The following GSE1 variants were observed in gnomAD, a reference collection of about 807,000 sequenced individuals.
GSE1 encodes the protein genetic suppressor element 1.
Under a neutral mutation model 112.6 loss-of-function variants are expected in GSE1, and 32 were observed. The ratio of observed to expected loss-of-function variants is 0.28; its 90% confidence interval spans 0.21 to 0.38. The LOEUF (loss-of-function observed/expected upper bound fraction) is 0.38, where lower values mean the gene tolerates loss of function less well. GSE1 is among the 10% of genes least tolerant of loss of function. The probability of loss-of-function intolerance (pLI) is 1.00; values close to 1 mark genes in which losing one functional copy is unlikely to be tolerated. For missense variants in GSE1, 2,348 were observed against 1,699.2 expected (o/e 1.38, Z -6.71); for synonymous variants, 1,115 against 735.6 (o/e 1.52, Z -8.35).
chr16:85,190,982 C>G (rs949315619), intron 1 of GSE1, among the ~76,000 whole-genome samples: 5 of 152,198 alleles, frequency 3.3e-5, no homozygotes, highest in African/African-American at 7.2e-5. Flanking sequence ...TTTAGAATTA[C>G]AGAGTCTTGC....
chr16:85,510,437 A>AGT (rs922286993), intron 2 of GSE1, among the ~76,000 whole-genome samples: 6 of 37,904 alleles, frequency 1.6e-4, no homozygotes, highest in Admixed American at 5.9e-4. Flanking sequence ...TGTGTGTGTC[A>AGT]GTGTGTGTGT....
At chr16:85,345,568 C>G (rs1174310547) in intron 1 of GSE1, among the ~76,000 whole-genome samples, 1 of 152,170 alleles carries the variant, frequency 6.6e-6, no homozygotes, top group Non-Finnish European at 1.5e-5. Flanking sequence ...CTCAGTGTGG[C>G]CAGCCTATGG....
At chr16:85,355,325 C>T (rs929527003) in intron 1 of GSE1, among the ~76,000 whole-genome samples, 7 of 152,224 alleles carry the variant, frequency 4.6e-5, no homozygotes, top group Admixed American at 2.6e-4. Flanking sequence ...CCAACCCCCA[C>T]GACAGGGACC....
chr16:85,307,762 A>C (rs906646596), intron 1 of GSE1, among the ~76,000 whole-genome samples: 3 of 152,224 alleles, frequency 2.0e-5, no homozygotes, highest in Non-Finnish European at 2.9e-5. Context: ...TCAAGGCCCC[A>C]CCATGAATCT....
At chr16:85,249,780 G>A (rs1242436871) in intron 1 of GSE1, among the ~76,000 whole-genome samples, 1 of 152,226 alleles carries the variant, frequency 6.6e-6, no homozygotes, top group Non-Finnish European at 1.5e-5. Flanking sequence ...TCACAGCTGC[G>A]TGCCCAAGTG....
chr16:85,497,315 C>T lies in GSE1; in HGVS notation c.2465-136599C>T, dbSNP rs112070152. Among the ~76,000 whole-genome samples, 1,457 of 152,318 alleles carry T rather than the reference C, an allele frequency of 9.6e-3. 27 individuals carry two copies. Among genetic ancestry groups the T allele is most frequent in the African/African-American group, 0.034 (1,394 of 41,566 alleles). The stretch of plus-strand genomic sequence containing the variant: ...GCCTCCTGCGTTTTACATTGGGACT[C>T]TCGTGGCAGCAGGGATTCCCAGATC... On this transcript the variant is annotated intron_variant, in intron 2 of 2. Coordinates refer to the GSE1 transcript ENST00000637419.
At chr16:85,666,578 G>C (rs974981154) in intron 13 of GSE1, 1 of 571,908 alleles carries the variant, frequency 1.7e-6, no homozygotes, top group South Asian at 2.0e-5. Context: ...CAGCGCTGAC[G>C]CTGTGCTGTG....
chr16:85,468,205 A>G (rs2050179117), intron 2 of GSE1, among the ~76,000 whole-genome samples: 1 of 152,002 alleles, frequency 6.6e-6, no homozygotes, highest in African/African-American at 2.4e-5. Flanking sequence ...CCTTAGAGGA[A>G]CAGGGAATAT....
intron 1 of GSE1, among the ~76,000 whole-genome samples, chr16:85,292,175 G>A (rs1176515237): frequency 1.3e-5 from 2 of 148,188 alleles, no homozygotes; most frequent in Admixed American, 6.7e-5. Context: ...GGGTCTCACT[G>A]TCACCCAGGC....
At chr16:85,312,994 C>G (rs1416312679) in intron 1 of GSE1, among the ~76,000 whole-genome samples, 6 of 151,586 alleles carry the variant, frequency 4.0e-5, no homozygotes, top group African/African-American at 1.2e-4. Flanking sequence ...TTGCAGGTCC[C>G]TGGAGCGGGC....
chr16:85,244,351 G>A (rs1396313340), intron 1 of GSE1, among the ~76,000 whole-genome samples: 1 of 152,142 alleles, frequency 6.6e-6, no homozygotes. Flanking sequence ...TCTAGAAGCT[G>A]GAAAAGAAAC....
intron 2 of GSE1, among the ~76,000 whole-genome samples, chr16:85,641,484 T>G: frequency 6.8e-6 from 1 of 148,100 alleles, no homozygotes; most frequent in South Asian, 2.1e-4. Context: ...AGGCCGCGGG[T>G]CGGGAGAGCC....
intron 1 of GSE1, among the ~76,000 whole-genome samples, chr16:85,188,067 A>C (rs543369536): frequency 6.6e-6 from 1 of 152,328 alleles, no homozygotes; most frequent in Admixed American, 6.5e-5. Context: ...AGTGGCTGCC[A>C]GGCCGTGGCC....
chr16:85,620,061 C>G (rs1049227577), intron 1 of GSE1, among the ~76,000 whole-genome samples: 2 of 151,976 alleles, frequency 1.3e-5, no homozygotes, highest in African/African-American at 4.8e-5. Flanking sequence ...TCCAGGAGGC[C>G]GAGGCAGGTG....
chr16:85,475,082 C>T (rs960958444), intron 2 of GSE1, among the ~76,000 whole-genome samples: 1 of 152,158 alleles, frequency 6.6e-6, no homozygotes, highest in African/African-American at 2.4e-5. Flanking sequence ...TGTAATAACA[C>T]TCCCCGATGG....
upstream of GSE1, among the ~76,000 whole-genome samples, chr16:85,610,014 T>C (rs1425991062): frequency 6.6e-6 from 1 of 152,190 alleles, no homozygotes; most frequent in Non-Finnish European, 1.5e-5. Context: ...GTTCCAGGGC[T>C]TGTGGAGGTA....
chr16:85,657,771 G>A (rs555029715), intron 8 of GSE1, among the ~76,000 whole-genome samples, 167 bp downstream of exon 8: 7 of 152,330 alleles, frequency 4.6e-5, no homozygotes, highest in African/African-American at 1.7e-4. Context: ...TGCCTATGGG[G>A]AAGCTGAGAC....
At chr16:85,623,816 C>T (rs1053097147) in intron 1 of GSE1, among the ~76,000 whole-genome samples, 3 of 152,340 alleles carry the variant, frequency 2.0e-5, no homozygotes, top group Admixed American at 1.3e-4. Flanking sequence ...GCGCCACCTC[C>T]CCTGCTGCCC....
At chr16:85,498,673 T>G (rs1284107702) in intron 2 of GSE1, among the ~76,000 whole-genome samples, 1 of 152,244 alleles carries the variant, frequency 6.6e-6, no homozygotes, top group Non-Finnish European at 1.5e-5. Flanking sequence ...CACACGTGTA[T>G]GCACACGACA....
Sources: gnomAD v4.1 joint callset for allele counts (sites outside exome capture counted in the v4.1 genomes callset) on GRCh38, gnomAD v4.1.1 for gene constraint, MANE v1.5 for transcripts, NCBI Gene and HGNC (gene_info 2026-07-23, HGNC 2026-07-21) for gene names.